PCED1B: variants seen among roughly 807,000 people sequenced by gnomAD.
PCED1B encodes PC-esterase domain-containing protein 1B.
For synonymous variants in PCED1B, 251 were observed against 246.1 expected, an observed-to-expected ratio of 1.02 and a Z score of -0.19; for missense variants, 573 against 573.9, an observed-to-expected ratio of 1.00 and a Z score of 0.02.
At chr12:47,227,822 C>A (rs796696170) in intron 3 of PCED1B, among the ~76,000 whole-genome samples, 1 of 151,872 alleles carries the variant, frequency 6.6e-6, no homozygotes, top group African/African-American at 2.4e-5. Flanking sequence ...CACTGCACTC[C>A]AGCCTGGGTG....
At chr12:47,222,599 G>A (rs1177938046) in intron 3 of PCED1B, among the ~76,000 whole-genome samples, 6 of 152,118 alleles carry the variant, frequency 3.9e-5, no homozygotes, top group Non-Finnish European at 7.4e-5. Context: ...TACATTCACT[G>A]AGCACTTAGA....
rs59941762 is a variant in PCED1B, at chr12:47,167,722, G to A, written c.-525-48500G>A. 2.9e-3 allele frequency among the ~76,000 whole-genome samples: 443 copies of A among 152,308 alleles called. 6 individuals carry two copies. In the South Asian group the frequency reaches 0.036, roughly 12 times the overall value. On this transcript the variant is annotated intron_variant, in intron 2 of 3. Transcript: ENST00000546455. ...ACTTAAGATAATAAATTCTCTTATT[G>A]TTTAGGACATTTTGAGTTGGTATTC... is the stretch of plus-strand genomic sequence containing the variant.
At chr12:47,177,591 C>A (rs1162613268) in intron 2 of PCED1B, among the ~76,000 whole-genome samples, 1 of 152,050 alleles carries the variant, frequency 6.6e-6, no homozygotes, top group Non-Finnish European at 1.5e-5. Flanking sequence ...TGTACTGATG[C>A]CTTAGTCCAG....
intron 2 of PCED1B, among the ~76,000 whole-genome samples, chr12:47,124,333 T>C (rs1939799724): frequency 6.6e-6 from 1 of 152,072 alleles, no homozygotes; most frequent in Admixed American, 6.6e-5. Flanking sequence ...TCATGCATGT[T>C]GTTTTATGTA....
At chr12:47,175,087 C>T (rs995086295) in intron 2 of PCED1B, among the ~76,000 whole-genome samples, 1 of 152,112 alleles carries the variant, frequency 6.6e-6, no homozygotes, top group African/African-American at 2.4e-5. Context: ...TAATATCCCT[C>T]TTCAAATTCC....
chr12:47,165,886 A>C (rs1052928172), intron 2 of PCED1B, among the ~76,000 whole-genome samples: 3 of 152,228 alleles, frequency 2.0e-5, no homozygotes, highest in Admixed American at 6.5e-5. Context: ...TTATAAATTT[A>C]GTGACCAAGC....
intron 2 of PCED1B, among the ~76,000 whole-genome samples, chr12:47,144,590 G>C (rs1299521059): frequency 6.6e-6 from 1 of 152,162 alleles, no homozygotes. Context: ...GTCATCATCT[G>C]AATATCACAG....
rs1359939330 is a variant in PCED1B, at chr12:47,235,260, A to G, written c.197A>G (p.Gln66Arg). Reference sequence around the variant, plus strand: ...CAAGATGAGCTGGTGGACGGAGGCCAGCGGGGCCACATGCACAACGGCCTT... The same window carrying G: ...CAAGATGAGCTGGTGGACGGAGGCCGGCGGGGCCACATGCACAACGGCCTT... ...FEQDELVDGG[Q>R]RGHMHNGLNY... Residue 66 changes from glutamine (Q) to arginine (R), a missense_variant, in exon 4 of 4, where the codon CAG (glutamine) becomes CGG (arginine). Gln to Arg is a conservative substitution (Grantham distance 43). Transcript: ENST00000546455. 1 of 1,613,882 alleles carries G rather than the reference A, an allele frequency of 6.2e-7. No individual in the cohort carries two copies. Among genetic ancestry groups the G allele is most frequent in the African/African-American group, 1.3e-5 (1 of 74,940 alleles).
chr12:47,111,076 G>A (rs1939174453), intron 2 of PCED1B, among the ~76,000 whole-genome samples: 1 of 152,094 alleles, frequency 6.6e-6, no homozygotes, highest in Admixed American at 6.5e-5. Flanking sequence ...ATTGATTTTT[G>A]GTACAACTGA....
chr12:47,167,510 G>A (rs1159615707), intron 2 of PCED1B, among the ~76,000 whole-genome samples: 1 of 152,136 alleles, frequency 6.6e-6, no homozygotes, highest in Non-Finnish European at 1.5e-5. Flanking sequence ...GAGTTGTCAG[G>A]GGAAAGAGCC....
At chr12:47,218,110 C>T (rs950942877) in intron 3 of PCED1B, among the ~76,000 whole-genome samples, 5 of 152,152 alleles carry the variant, frequency 3.3e-5, no homozygotes, top group African/African-American at 1.2e-4. Context: ...CATTTGATTT[C>T]CACAATTAAC....
chr12:47,234,172 GA>G (rs1943899341), intron 3 of PCED1B, among the ~76,000 whole-genome samples: 1 of 152,106 alleles, frequency 6.6e-6, no homozygotes, highest in Admixed American at 6.5e-5. Flanking sequence ...ATTTTTAGTA[GA>G]GACGGGGTTT....
chr12:47,186,824 A>T (rs548414101), intron 2 of PCED1B, among the ~76,000 whole-genome samples: 15 of 152,340 alleles, frequency 9.8e-5, no homozygotes. Flanking sequence ...CAAGGAAATT[A>T]ACACAGCACA....
At chr12:47,215,155 T>C (rs1943213386) in intron 2 of PCED1B, among the ~76,000 whole-genome samples, 2 of 152,036 alleles carry the variant, frequency 1.3e-5, no homozygotes, top group African/African-American at 4.8e-5. Flanking sequence ...TTGGTATTTG[T>C]AGGGAAAGTG....
In PCED1B at chr12:47,204,265, A is replaced by T. The variant is rs10881078; in HGVS notation, c.-525-11957A>T. Among the ~76,000 whole-genome samples, 1,950 of 145,990 alleles carry T rather than the reference A, an allele frequency of 0.013. 117 individuals carry two copies. In the East Asian group the frequency reaches 0.18, roughly 14 times the overall value. ...CGCCCAACCCCCATATGAATTTAAA[A>T]TTTTTTTTTTCTAATTATGTGAAGA... On this transcript the variant is annotated intron_variant, in intron 2 of 3. Transcript: ENST00000546455.
intron 2 of PCED1B, among the ~76,000 whole-genome samples, chr12:47,117,267 A>T (rs1413686711): frequency 6.6e-5 from 10 of 152,116 alleles, no homozygotes; most frequent in Admixed American, 6.6e-4. Flanking sequence ...TTACATATGT[A>T]TACATGTGCC....
chr12:47,104,036 T>C (rs1382015622), intron 1 of PCED1B, 77 bp from the exon 2 acceptor site: 1 of 152,204 alleles, frequency 6.6e-6, no homozygotes. Flanking sequence ...TATTTCCTTT[T>C]GTTTCACTAG....
intron 1 of PCED1B, among the ~76,000 whole-genome samples, chr12:47,096,138 CG>C (rs1158109050): frequency 6.6e-6 from 1 of 152,092 alleles, no homozygotes; most frequent in Non-Finnish European, 1.5e-5. Flanking sequence ...CTGAGCACTA[CG>C]TCTGTGCTTC....
At chr12:47,094,749 A>G (rs1938407991) in intron 1 of PCED1B, among the ~76,000 whole-genome samples, 1 of 152,066 alleles carries the variant, frequency 6.6e-6, no homozygotes, top group South Asian at 2.1e-4. Context: ...TTCTACATAT[A>G]TTTTATACTA....
Sources: allele counts gnomAD v4.1 joint callset (sites outside exome capture counted in the v4.1 genomes callset), GRCh38; gene constraint gnomAD v4.1.1; transcripts MANE v1.5; gene names NCBI Gene and HGNC (gene_info 2026-07-23, HGNC 2026-07-21).